NREP: variants seen among roughly 807,000 people sequenced by gnomAD.
NREP encodes neuronal regeneration related protein, also known as neuronal regeneration-related protein.
Under a neutral mutation model 8.6 loss-of-function variants are expected in NREP, and 5 were observed. That is an observed-to-expected ratio of 0.58 (90% CI 0.30 to 1.22). The LOEUF is 1.22. Among genes scored for constraint, NREP ranks in the 50% most tolerant of loss-of-function variants. The pLI, the probability that NREP is intolerant of heterozygous loss-of-function variation, is 0.07. For missense variants in NREP, 86 were observed against 82.5 expected, an observed-to-expected ratio of 1.04 and a Z score of -0.17; for synonymous variants, 27 against 28.0, an observed-to-expected ratio of 0.96 and a Z score of 0.11.
intron 2 of NREP, among the ~76,000 whole-genome samples, chr5:111,889,883 G>A (rs138607478): frequency 1.3e-5 from 2 of 152,180 alleles, no homozygotes; most frequent in African/African-American, 4.8e-5. Context: ...GCGGGCAGGG[G>A]TGGGGGTTAC....
intron 2 of NREP, among the ~76,000 whole-genome samples, chr5:111,855,506 G>A (rs773754873): frequency 6.6e-6 from 1 of 152,126 alleles, no homozygotes; most frequent in Non-Finnish European, 1.5e-5. Flanking sequence ...TCCAGACCCA[G>A]AGGTTAAATG....
intron 2 of NREP, chr5:111,846,649 T>C (rs571258209): frequency 6.6e-6 from 1 of 152,144 alleles, no homozygotes; most frequent in African/African-American, 2.4e-5. Flanking sequence ...AAATATTCTG[T>C]AGCTCACTTT....
chr5:111,975,218 C>A, intron 2 of NREP: 1 of 1,303,668 alleles, frequency 7.7e-7, no homozygotes. Context: ...GTGATGGAAA[C>A]CCAACTTGAA....
At chr5:111,951,085 A>G (rs1488936819) in intron 2 of NREP, among the ~76,000 whole-genome samples, 1 of 152,094 alleles carries the variant, frequency 6.6e-6, no homozygotes, top group Non-Finnish European at 1.5e-5. Flanking sequence ...GACAATGTAT[A>G]TAATTGTTTC....
At chr5:111,857,069 C>T (rs1161826525) in intron 2 of NREP, among the ~76,000 whole-genome samples, 1 of 152,106 alleles carries the variant, frequency 6.6e-6, no homozygotes, top group Non-Finnish European at 1.5e-5. Flanking sequence ...TGCATAATGA[C>T]AAAACACAGC....
rs1286623265 is a variant in NREP, at chr5:111,879,517, T to C, written c.135+95757A>G. ...TGAAAATATTTTTCTGTATACTTAC[T>C]GTCTGTCCTGTCTTCTAGACTGGAA... is the stretch of plus-strand genomic sequence containing the variant. On this transcript the variant is annotated intron_variant, in intron 2 of 3. Coordinates refer to the NREP transcript ENST00000395634. 1.2e-4 allele frequency among the ~76,000 whole-genome samples: 18 copies of C among 152,348 alleles called. No individual in the cohort carries two copies. The South Asian group carries it at 3.5e-3, about 30-fold the overall frequency.
Position 111,755,804 on chromosome 5 carries a change from C to A in NREP, c.-32G>T, listed in dbSNP as rs756688766. 6.8e-6 allele frequency: 11 copies of A among 1,613,864 alleles called. No homozygotes were observed. In the East Asian group the frequency reaches 2.5e-4, roughly 36 times the overall value. On this transcript the variant is annotated 5_prime_UTR_variant, in exon 2 of 4. Transcript: ENST00000257435. ...AATCTTAGTCTTGGGCTTCTATTCT[C>A]CCTCTCTTCAGTCCAGGGAGACCAA... is the stretch of plus-strand genomic sequence containing the variant.
chr5:111,930,561 C>G (rs760817671), intron 2 of NREP, among the ~76,000 whole-genome samples: 26 of 152,110 alleles, frequency 1.7e-4, no homozygotes, highest in Non-Finnish European at 3.2e-4. Context: ...AGCTTTTATA[C>G]TCTACAAAGG....
chr5:111,893,494 T>C (rs1754440011), intron 2 of NREP, among the ~76,000 whole-genome samples: 1 of 151,866 alleles, frequency 6.6e-6, no homozygotes, highest in Non-Finnish European at 1.5e-5. Flanking sequence ...GAAACTTTTT[T>C]GTATTTTCCA....
intron 2 of NREP, among the ~76,000 whole-genome samples, chr5:111,749,022 G>A (rs1750190333): frequency 6.6e-6 from 1 of 152,086 alleles, no homozygotes; most frequent in African/African-American, 2.4e-5. Context: ...TTTGTCAGGA[G>A]GTGTATTCCT....
intron 2 of NREP, among the ~76,000 whole-genome samples, chr5:111,919,692 G>A (rs1755168059): frequency 6.6e-6 from 1 of 152,010 alleles, no homozygotes; most frequent in Admixed American, 6.6e-5. Flanking sequence ...TGGACACGGG[G>A]AAGGGAACAT....
intron 2 of NREP, among the ~76,000 whole-genome samples, chr5:111,846,892 A>C (rs537052737): frequency 6.6e-6 from 1 of 152,270 alleles, no homozygotes; most frequent in African/African-American, 2.4e-5. Context: ...AAATTTGTTT[A>C]TTTCATTCAT....
chr5:111,757,494 A>C, upstream of NREP: 1 of 984,862 alleles, frequency 1.0e-6, no homozygotes. Context: ...ATTCTGATGG[A>C]GCTGGCGCGG....
rs533754385 is a variant in NREP, at chr5:111,844,678, T to A, written c.136-109171A>T. On this transcript the variant is annotated intron_variant, in intron 2 of 3. Transcript: ENST00000395634. The stretch of plus-strand genomic sequence containing the variant: ...ATATATTATATATATTATATATATA[T>A]TATATATATATAATAGCTGTTTTCT... Among the ~76,000 whole-genome samples the A allele has an allele frequency of 5.4e-5, 8 of 146,952 alleles. No homozygotes were observed. In the East Asian group the frequency reaches 5.9e-4, roughly 11 times the overall value.
At chr5:111,952,459 T>C (rs1478637963) in intron 2 of NREP, among the ~76,000 whole-genome samples, 1 of 152,160 alleles carries the variant, frequency 6.6e-6, no homozygotes, top group Non-Finnish European at 1.5e-5. Flanking sequence ...AAGTGTTGAT[T>C]GACCAGTCGA....
chr5:111,847,408 C>A, intron 2 of NREP, among the ~76,000 whole-genome samples: 1 of 152,134 alleles, frequency 6.6e-6, no homozygotes. Flanking sequence ...CTAATTAGTT[C>A]CCCAAGGTCT....
Position 111,905,689 on chromosome 5 carries a change from C to A in NREP, c.135+69585G>T, listed in dbSNP as rs181281975. Among the ~76,000 whole-genome samples the A allele has an allele frequency of 5.3e-5, 8 of 152,106 alleles. No individual in the cohort carries two copies. The East Asian group carries it at 1.2e-3, about 22-fold the overall frequency. ...TGTTTTAGTGCTGTTGGTAAAAAAA[C>A]CAAGTGAAACAAAACACCAAAGCTA... On this transcript the variant is annotated intron_variant, in intron 2 of 3. Transcript: ENST00000395634.
chr5:111,895,045 C>A (rs1391815531), intron 2 of NREP, among the ~76,000 whole-genome samples: 2 of 152,220 alleles, frequency 1.3e-5, no homozygotes, highest in Non-Finnish European at 2.9e-5. Flanking sequence ...CCTTTCAAAG[C>A]AGCTTTATGC....
intron 2 of NREP, among the ~76,000 whole-genome samples, chr5:111,799,156 T>C (rs1751943773): frequency 6.6e-6 from 1 of 152,208 alleles, no homozygotes; most frequent in Non-Finnish European, 1.5e-5. Context: ...TACCATGCTG[T>C]TTTCATGACC....
Sources: allele counts gnomAD v4.1 joint callset (sites outside exome capture counted in the v4.1 genomes callset), GRCh38; gene constraint gnomAD v4.1.1; transcripts MANE v1.5; gene names NCBI Gene and HGNC (gene_info 2026-07-23, HGNC 2026-07-21).